Variants in CDK14 observed in about 807,000 individuals in gnomAD.
CDK14 encodes cyclin-dependent kinase 14.
In CDK14, 34 loss-of-function variants were observed where a neutral mutation model predicts 60.7. That is an observed-to-expected ratio of 0.56 (90% CI 0.43 to 0.75). CDK14 has a LOEUF of 0.75. Ranked by LOEUF, CDK14 falls within the 30% of genes least tolerant of loss-of-function variation. CDK14 has a pLI of 0.00. For missense variants in CDK14, 482 were observed against 564.1 expected, an observed-to-expected ratio of 0.85 and a Z score of 1.47; for synonymous variants, 197 against 203.7, an observed-to-expected ratio of 0.97 and a Z score of 0.28.
intron 10 of CDK14, among the ~76,000 whole-genome samples, chr7:90,997,776 A>G (rs1397796015): frequency 1.3e-5 from 2 of 152,220 alleles, no homozygotes; most frequent in Non-Finnish European, 2.9e-5. Context: ...CATATAGAAT[A>G]GTGATATATG....
intron 10 of CDK14, among the ~76,000 whole-genome samples, chr7:91,034,443 A>G (rs989103958): frequency 1.3e-5 from 2 of 152,114 alleles, no homozygotes; most frequent in Non-Finnish European, 2.9e-5. Flanking sequence ...ATGAGACAGT[A>G]ACCTTCTAGC....
Position 91,099,328 on chromosome 7 carries a change from A to G in CDK14, c.1155-13214A>G, listed in dbSNP as rs578095010. On this transcript the variant is annotated intron_variant, in intron 12 of 14. Coordinates refer to ENST00000380050, the MANE Select transcript of CDK14 (RefSeq NM_001287135.2). ...AAACATAAGCCATTCCTAAATTTTTACATAGACTGAATTTTTGGATAAATG... is the reference window on the plus strand; with the variant it reads ...AAACATAAGCCATTCCTAAATTTTTGCATAGACTGAATTTTTGGATAAATG... 2.0e-5 allele frequency among the ~76,000 whole-genome samples: 3 copies of G among 152,310 alleles called. No homozygotes were observed. In the South Asian group the frequency reaches 6.2e-4, roughly 32 times the overall value.
At chr7:90,854,103 T>C (rs952138052) in intron 5 of CDK14, among the ~76,000 whole-genome samples, 7 of 152,206 alleles carry the variant, frequency 4.6e-5, no homozygotes, top group South Asian at 2.1e-4. Context: ...GCAAAGGAGA[T>C]GTTTTCTGAC....
At chr7:90,974,504 T>C (rs1396840646) in intron 9 of CDK14, among the ~76,000 whole-genome samples, 1 of 152,178 alleles carries the variant, frequency 6.6e-6, no homozygotes, top group Admixed American at 6.6e-5. Flanking sequence ...AGCCAGTCCC[T>C]CTGTTCTGGG....
intron 14 of CDK14, among the ~76,000 whole-genome samples, chr7:91,206,954 G>T (rs573652572): frequency 1.3e-5 from 2 of 152,246 alleles, no homozygotes; most frequent in East Asian, 3.9e-4. Context: ...TTTAAGAGAG[G>T]AAAGTGTAGT....
chr7:90,725,522 C>T (rs745606243), intron 2 of CDK14, among the ~76,000 whole-genome samples: 3 of 152,112 alleles, frequency 2.0e-5, no homozygotes, highest in African/African-American at 7.2e-5. Context: ...TCAAAAACTT[C>T]GTATTTTTAC....
intron 3 of CDK14, among the ~76,000 whole-genome samples, chr7:90,731,097 T>C (rs1395414552): frequency 6.6e-6 from 1 of 152,068 alleles, no homozygotes; most frequent in East Asian, 1.9e-4. Context: ...CAACACTATT[T>C]ATTAAATAGG....
chr7:90,915,119 A>T (rs1793034425), intron 7 of CDK14, among the ~76,000 whole-genome samples: 1 of 152,146 alleles, frequency 6.6e-6, no homozygotes, highest in Non-Finnish European at 1.5e-5. Context: ...GGAAAATAGT[A>T]GGCAAAGGGA....
chr7:91,084,184 T>A (rs1340859723), intron 12 of CDK14, among the ~76,000 whole-genome samples: 1 of 152,212 alleles, frequency 6.6e-6, no homozygotes, highest in East Asian at 1.9e-4. Flanking sequence ...AAGGGAATAT[T>A]ATCCATTTTA....
intron 5 of CDK14, among the ~76,000 whole-genome samples, chr7:90,820,514 G>A (rs1043150982): frequency 6.6e-6 from 1 of 152,100 alleles, no homozygotes; most frequent in African/African-American, 2.4e-5. Flanking sequence ...TGTCTCTCCT[G>A]CCACCATGTA....
chr7:90,955,446 C>T (rs1413952354), intron 8 of CDK14, among the ~76,000 whole-genome samples: 4 of 152,224 alleles, frequency 2.6e-5, no homozygotes, highest in African/African-American at 9.6e-5. Context: ...TTTGTTTACT[C>T]TGCTGATATT....
At chr7:91,092,259 G>A (rs771442657) in intron 12 of CDK14, among the ~76,000 whole-genome samples, 3 of 152,142 alleles carry the variant, frequency 2.0e-5, no homozygotes, top group Non-Finnish European at 2.9e-5. Context: ...GTAAAAGATA[G>A]CCTCAGCCTA....
At chr7:91,100,628 G>A (rs780915315) in intron 12 of CDK14, among the ~76,000 whole-genome samples, 1 of 152,116 alleles carries the variant, frequency 6.6e-6, no homozygotes, top group East Asian at 1.9e-4. Flanking sequence ...TATGTCATAA[G>A]TTAACAGATT....
intron 10 of CDK14, among the ~76,000 whole-genome samples, chr7:91,004,281 G>A (rs1562864548): frequency 6.6e-6 from 1 of 152,158 alleles, no homozygotes; most frequent in Non-Finnish European, 1.5e-5. Flanking sequence ...ACTAAGAAAA[G>A]AAAGAAGAGA....
At chr7:90,730,544 C>T (rs1802821752) in intron 3 of CDK14, among the ~76,000 whole-genome samples, 1 of 152,208 alleles carries the variant, frequency 6.6e-6, no homozygotes. Context: ...CAATGATCAT[C>T]ATTCTAACTG....
At chr7:90,740,204 C>A (rs1242592684) in intron 3 of CDK14, among the ~76,000 whole-genome samples, 1 of 149,728 alleles carries the variant, frequency 6.7e-6, no homozygotes. Flanking sequence ...TTTGAAATAT[C>A]TTTGTCCTTC....
chr7:90,676,198 T>C (rs1264695724), intron 2 of CDK14, among the ~76,000 whole-genome samples: 1 of 152,224 alleles, frequency 6.6e-6, no homozygotes, highest in Non-Finnish European at 1.5e-5. Context: ...CTAAATAGTA[T>C]GTTACATAGT....
intron 14 of CDK14, among the ~76,000 whole-genome samples, chr7:91,141,349 A>G (rs1800451014): frequency 6.6e-6 from 1 of 152,204 alleles, no homozygotes. Context: ...TTCACTGGCG[A>G]CTTCAAAGAA....
At chr7:90,671,560 A>T (rs1467859644) in intron 2 of CDK14, among the ~76,000 whole-genome samples, 1 of 152,136 alleles carries the variant, frequency 6.6e-6, no homozygotes, top group African/African-American at 2.4e-5. Flanking sequence ...GGCAGTCGAG[A>T]TGGCTTGTCT....
Sources: allele counts gnomAD v4.1 joint callset (sites outside exome capture counted in the v4.1 genomes callset), GRCh38; gene constraint gnomAD v4.1.1; transcripts MANE v1.5; gene names NCBI Gene and HGNC (gene_info 2026-07-23, HGNC 2026-07-21).